The following MEGF10 variants were observed in gnomAD, a reference collection of about 807,000 sequenced individuals.
MEGF10 encodes the protein multiple epidermal growth factor-like domains protein 10.
A neutral mutation model predicts 147.5 loss-of-function variants in MEGF10; 86 were observed. That is an observed-to-expected ratio of 0.58 (90% CI 0.49 to 0.70). The LOEUF (loss-of-function observed/expected upper bound fraction) is 0.70. Among genes scored for constraint, MEGF10 ranks in the 30% least tolerant of loss-of-function variants. MEGF10 has a pLI of 0.00. For missense variants in MEGF10, 1,329 were observed against 1,487.3 expected, an observed-to-expected ratio of 0.89 and a Z score of 1.75; for synonymous variants, 478 against 525.5, an observed-to-expected ratio of 0.91 and a Z score of 1.24.
rs575417441 is a variant in MEGF10, at chr5:127,414,861, A to T, written c.1131-2777A>T. ...ACTGGAAAAATAAACAGAATTATAG[A>T]TTGTGAAAAGTGAGATGGGAAGAAG... On this transcript the variant is annotated intron_variant, in intron 9 of 24. Coordinates refer to ENST00000503335, the MANE Select transcript of MEGF10 (RefSeq NM_001256545.2). Among the ~76,000 whole-genome samples the T allele has an allele frequency of 1.1e-4, 17 of 152,312 alleles. 1 individual carries two copies. The highest frequency in any genetic ancestry group is 1.1e-3 in the Admixed American group (17 of 15,300).
At chr5:127,271,945 G>A in the MEGF10 span, among the ~76,000 whole-genome samples, 1 of 152,068 alleles carries the variant, frequency 6.6e-6, no homozygotes, top group Non-Finnish European at 1.5e-5. Context: ...GATCCCATTG[G>A]TCAATTTTTG....
intron 9 of MEGF10, among the ~76,000 whole-genome samples, chr5:127,412,325 T>C (rs1422382933): frequency 6.6e-6 from 1 of 152,180 alleles, no homozygotes; most frequent in African/African-American, 2.4e-5. Flanking sequence ...TATATGACTC[T>C]ATCTTGTTGA....
chr5:127,262,033 G>A, the MEGF10 span, among the ~76,000 whole-genome samples: 13 of 151,974 alleles, frequency 8.6e-5, no homozygotes, highest in Admixed American at 4.6e-4. Flanking sequence ...TACATGATTT[G>A]CAAATATTTT....
intron 1 of MEGF10, among the ~76,000 whole-genome samples, chr5:127,328,875 A>G (rs969641851): frequency 6.6e-6 from 1 of 152,218 alleles, no homozygotes; most frequent in East Asian, 1.9e-4. Context: ...AATAATTGCC[A>G]TGCTCATTTG....
intron 4 of MEGF10, among the ~76,000 whole-genome samples, chr5:127,365,448 A>C (rs905168532): frequency 2.0e-5 from 3 of 152,232 alleles, no homozygotes; most frequent in African/African-American, 7.2e-5. Context: ...AATGAGGTCC[A>C]TGTCATTGGT....
At chr5:127,429,349 G>A (rs1765321306) in intron 13 of MEGF10, among the ~76,000 whole-genome samples, 1 of 152,032 alleles carries the variant, frequency 6.6e-6, no homozygotes, top group Non-Finnish European at 1.5e-5. Context: ...AGCAGGGAAG[G>A]GTCACCATTT....
At chr5:127,327,530 G>A (rs2126776055) in intron 1 of MEGF10, among the ~76,000 whole-genome samples, 1 of 152,130 alleles carries the variant, frequency 6.6e-6, no homozygotes, top group South Asian at 2.1e-4. Flanking sequence ...AAGACAGGAT[G>A]ACACAGCATA....
At chr5:127,435,763 T>C (rs1293830973) in intron 16 of MEGF10, among the ~76,000 whole-genome samples, 1 of 152,162 alleles carries the variant, frequency 6.6e-6, no homozygotes, top group Non-Finnish European at 1.5e-5. Flanking sequence ...TCATCGTCCA[T>C]TGAAATAAAG....
chr5:127,249,177 A>G, the MEGF10 span, among the ~76,000 whole-genome samples: 2 of 152,066 alleles, frequency 1.3e-5, no homozygotes, highest in African/African-American at 4.8e-5. Context: ...TATATGTAAT[A>G]GTAAAAATGA....
At chr5:127,266,830 A>G in the MEGF10 span, among the ~76,000 whole-genome samples, 9 of 152,184 alleles carry the variant, frequency 5.9e-5, no homozygotes, top group African/African-American at 1.9e-4. Flanking sequence ...GGCTGAGACA[A>G]TGGGGTTTTC....
At chr5:127,284,666 T>C in the MEGF10 span, among the ~76,000 whole-genome samples, 2 of 148,864 alleles carry the variant, frequency 1.3e-5, no homozygotes, top group Non-Finnish European at 3.0e-5. Context: ...CCTCTTGTTG[T>C]TAGAATTGAA....
chr5:127,379,955 A>G (rs1580788370), intron 5 of MEGF10, among the ~76,000 whole-genome samples: 1 of 152,246 alleles, frequency 6.6e-6, no homozygotes, highest in East Asian at 1.9e-4. Context: ...ACCACCATAC[A>G]GACACTATCT....
At chr5:127,418,347 A>G (rs1460330266) in intron 10 of MEGF10, among the ~76,000 whole-genome samples, 1 of 152,258 alleles carries the variant, frequency 6.6e-6, no homozygotes, top group Non-Finnish European at 1.5e-5. Flanking sequence ...ATAGGCTAGG[A>G]ATCTTTGCTT....
chr5:127,368,270 A>G (rs994018620), intron 4 of MEGF10, among the ~76,000 whole-genome samples: 2 of 152,156 alleles, frequency 1.3e-5, no homozygotes, highest in Non-Finnish European at 2.9e-5. Context: ...TGAGGTTGCT[A>G]AGCACTTCCT....
Position 127,340,523 on chromosome 5 carries a change from T to C in MEGF10, c.219-7T>C, listed in dbSNP as rs372782960. ...ATGTTTAATAGCTAATTTTTCCTTCTCTATAGAGTCAGCTATCGGACAGCC... is the reference window on the plus strand; with the variant it reads ...ATGTTTAATAGCTAATTTTTCCTTCCCTATAGAGTCAGCTATCGGACAGCC... On this transcript the variant is annotated splice_region_variant and splice_polypyrimidine_tract_variant and intron_variant, in intron 3 of 24. Coordinates refer to ENST00000503335, the MANE Select transcript of MEGF10 (RefSeq NM_001256545.2). The C allele has an allele frequency of 1.6e-5, 25 of 1,609,624 alleles. No individual in the cohort carries two copies. In the African/African-American group the frequency reaches 2.7e-4, roughly 17 times the overall value.
At chr5:127,342,521 T>G (rs1056304994) in intron 4 of MEGF10, among the ~76,000 whole-genome samples, 10 of 152,112 alleles carry the variant, frequency 6.6e-5, no homozygotes, top group Non-Finnish European at 1.5e-5. Flanking sequence ...GATGCTAGAT[T>G]TCACTGGCAA....
chr5:127,403,625 C>G (rs1367416747), intron 8 of MEGF10, among the ~76,000 whole-genome samples: 1 of 152,166 alleles, frequency 6.6e-6, no homozygotes, highest in Admixed American at 6.5e-5. Flanking sequence ...AACCATTCTT[C>G]TACTCTCTGT....
chr5:127,419,994 C>T lies in MEGF10; in HGVS notation c.1427-50C>T, dbSNP rs1007447834. ...CGTGGTTTGGAAAGGCTCAACAAGG[C>T]TCTCTGCTGCCTTTGTTCGCTCACG... On this transcript the variant is annotated intron_variant, in intron 11 of 24. Transcript: ENST00000503335. The T allele has an allele frequency of 1.9e-6, 3 of 1,593,158 alleles. No individual in the cohort carries two copies. The African/African-American group carries it at 4.0e-5, about 21-fold the overall frequency.
At chr5:127,313,115 C>G (rs536641445) in intron 1 of MEGF10, among the ~76,000 whole-genome samples, 25 of 152,290 alleles carry the variant, frequency 1.6e-4, no homozygotes, top group African/African-American at 6.0e-4. Flanking sequence ...AAAACTTTCT[C>G]TTTAGCTCTT....
Sources: allele counts gnomAD v4.1 joint callset (sites outside exome capture counted in the v4.1 genomes callset), GRCh38; gene constraint gnomAD v4.1.1; transcripts MANE v1.5; gene names NCBI Gene and HGNC (gene_info 2026-07-23, HGNC 2026-07-21).